The following LMOD2 variants were observed in gnomAD, a reference collection of about 807,000 sequenced individuals.
The protein encoded by LMOD2 is leiomodin-2.
A neutral mutation model predicts 41.7 loss-of-function variants in LMOD2; 27 were observed. The observed-to-expected ratio is 0.65, with a 90% CI of 0.48 to 0.89. LMOD2 has a LOEUF of 0.89. Among genes scored for constraint, LMOD2 ranks in the 40% least tolerant of loss-of-function variants. The pLI, the probability that LMOD2 is intolerant of heterozygous loss-of-function variation, is 0.00. For missense variants in LMOD2, 624 were observed against 667.9 expected (o/e 0.93, Z 0.72); for synonymous variants, 251 against 244.6 (o/e 1.03, Z -0.25).
intron 1 of LMOD2, among the ~76,000 whole-genome samples, chr7:123,660,014 A>G (rs1332897351): frequency 6.6e-6 from 1 of 152,186 alleles, no homozygotes; most frequent in East Asian, 1.9e-4. Context: ...TTTCCTCCAA[A>G]TACTGAAACA....
chr7:123,656,439 C>T (rs930460011), intron 1 of LMOD2, among the ~76,000 whole-genome samples: 2 of 152,242 alleles, frequency 1.3e-5, no homozygotes, highest in Middle Eastern at 3.4e-3. Context: ...ATGTAAAATT[C>T]TTAATTGGGG....
chr7:123,657,991 TAAAAAAAAAA>T (rs10693592), intron 1 of LMOD2, among the ~76,000 whole-genome samples: 2 of 90,584 alleles, frequency 2.2e-5, no homozygotes, highest in Admixed American at 1.4e-4. Flanking sequence ...CTTGTCTCAT[TAAAAAAAAAA>T]AAAAAAAAAA....
chr7:123,657,527 G>A (rs1261189974), intron 1 of LMOD2, among the ~76,000 whole-genome samples: 1 of 152,122 alleles, frequency 6.6e-6, no homozygotes, highest in Non-Finnish European at 1.5e-5. Context: ...GAAGGGGTGT[G>A]TTAGAAGGAA....
rs1409917933 is a variant in LMOD2, at chr7:123,662,142, T to A, written c.556T>A (p.Ser186Thr). The A allele has an allele frequency of 1.9e-6, 3 of 1,612,752 alleles. No homozygotes were observed. The highest frequency in any genetic ancestry group is 2.7e-5 in the African/African-American group (2 of 74,692). Residue 186 changes from serine to threonine, a missense_variant, in exon 2 of 3, where the codon TCC becomes ACC. Ser to Thr is a moderately conservative substitution (Grantham distance 58, BLOSUM62 1). Coordinates refer to ENST00000458573, the MANE Select transcript of LMOD2 (RefSeq NM_207163.3). This position sits in a 1 kb window ranked among gnomAD's most constrained non-coding sequence, Gnocchi z 4.0. ...TGGCAGCAATGGGAGGAACACAGAG[T>A]CCCCAGCTGCCATTCACCCTTGTGG... ...TNGSNGRNTE[S>T]PAAIHPCGNP...
In LMOD2 at chr7:123,662,562, A is replaced by C; in HGVS notation, c.976A>C (p.Thr326Pro). ...GATTGTCAAGCTGCTGAAGGAGAAC[A>C]CGACGCTGCTGAGGCTGGGATACCA... ...MEIVKLLKEN[T>P]TLLRLGYHFE... The change falls in exon 2 of 3, where the codon ACG becomes CCG. Residue 326 changes from threonine to proline, a missense_variant. Physicochemically the swap from Thr to Pro is conservative, Grantham distance 38. Transcript: ENST00000458573. The surrounding 1 kb of genome is among the most constrained non-coding windows in gnomAD (Gnocchi z 4.0). The C allele has an allele frequency of 6.2e-7, 1 of 1,613,982 alleles. No homozygotes were observed.
chr7:123,659,124 T>C (rs1321847563), intron 1 of LMOD2, among the ~76,000 whole-genome samples: 2 of 152,244 alleles, frequency 1.3e-5, no homozygotes, highest in Non-Finnish European at 2.9e-5. Context: ...ACATACATAA[T>C]AGGGAGGTGA....
rs897582954 is a variant in LMOD2, at chr7:123,655,920, G to A, written c.-44G>A. 2 of 1,553,732 alleles carry A rather than the reference G, an allele frequency of 1.3e-6. No individual in the cohort carries two copies. Among genetic ancestry groups the A allele is most frequent in the Non-Finnish European group, 1.7e-6 (2 of 1,151,518 alleles). Reference sequence around the variant, plus strand: ...CTGCCTGCTTCTGGCCGCCTTGAATGCCTGGTCCTTCAAGCTCCTTCTGGG... The same window carrying A: ...CTGCCTGCTTCTGGCCGCCTTGAATACCTGGTCCTTCAAGCTCCTTCTGGG... On this transcript the variant is annotated 5_prime_UTR_variant, in exon 1 of 3. It removes an upstream start codon present in the reference 5' UTR. Coordinates refer to ENST00000458573, the MANE Select transcript of LMOD2 (RefSeq NM_207163.3).
At chr7:123,657,647 TATC>T (rs1370047006) in intron 1 of LMOD2, among the ~76,000 whole-genome samples, 1 of 151,944 alleles carries the variant, frequency 6.6e-6, no homozygotes. Context: ...ACAATGACAT[TATC>T]ATCACAATTA....
rs1330996369 is a variant in LMOD2, at chr7:123,663,141, A to T, written c.1555A>T (p.Arg519Ter). 6.4e-7 allele frequency: 1 copy of T among 1,569,890 alleles called. No homozygotes were observed. The highest frequency in any genetic ancestry group is 8.6e-7 in the Non-Finnish European group (1 of 1,157,262). Residue 519 changes from arginine to a stop codon, truncating the protein, a stop_gained, in exon 2 of 3, where the codon AGA becomes TGA. Transcript: ENST00000458573. LOFTEE classifies it high-confidence loss of function. ...CAGTTCCCGACCTTCTACCCCACAGAGATCAGCTCATGAGAATCTCATGGA... is the reference window on the plus strand; with the variant it reads ...CAGTTCCCGACCTTCTACCCCACAGTGATCAGCTCATGAGAATCTCATGGA... The part of the protein sequence containing the change: ...EDSSRPSTPQ[R>*]SAHENLMEAI...
intron 1 of LMOD2, among the ~76,000 whole-genome samples, chr7:123,660,095 G>A (rs1446673799): frequency 1.3e-5 from 2 of 152,100 alleles, no homozygotes; most frequent in Non-Finnish European, 2.9e-5. Context: ...AATTTGGAGT[G>A]GAATGGGGTG....
rs574893143 is a variant in LMOD2 at position 123,662,687 on chromosome 7, G to C, written c.1101G>C (p.Glu367Asp). ...QKRLQEQKQQEGYDGGPNLRT... is the reference protein window; with the variant it reads ...QKRLQEQKQQDGYDGGPNLRT... Reference sequence around the variant, plus strand: ...GTTTGCAGGAGCAAAAACAGCAGGAGGGATACGATGGAGGACCCAATCTTA... The same window carrying C: ...GTTTGCAGGAGCAAAAACAGCAGGACGGATACGATGGAGGACCCAATCTTA... The change falls in exon 2 of 3, where the codon GAG becomes GAC. Residue 367 changes from glutamate (E) to aspartate (D), a missense_variant. Physicochemically the swap from Glu to Asp is conservative, Grantham distance 45 (BLOSUM62 2). Transcript: ENST00000458573. This position sits in a 1 kb window ranked among gnomAD's most constrained non-coding sequence, Gnocchi z 4.0. 8 of 1,613,984 alleles carry C rather than the reference G, an allele frequency of 5.0e-6. No individual in the cohort carries two copies. In the South Asian group the frequency reaches 8.8e-5, roughly 18 times the overall value.
At chr7:123,657,864 G>A (rs933264549) in intron 1 of LMOD2, among the ~76,000 whole-genome samples, 6 of 149,342 alleles carry the variant, frequency 4.0e-5, no homozygotes, top group Admixed American at 1.3e-4. Flanking sequence ...ACATTAGCAG[G>A]TGGTAGTCCC....
intron 1 of LMOD2, among the ~76,000 whole-genome samples, chr7:123,658,440 C>T (rs1382743866): frequency 6.6e-6 from 1 of 152,142 alleles, no homozygotes; most frequent in Non-Finnish European, 1.5e-5. Flanking sequence ...TGAGAAGGAG[C>T]GGAGGGTCTT....
At chr7:123,661,239 G>T (rs1381653954) in intron 1 of LMOD2, among the ~76,000 whole-genome samples, 1 of 152,210 alleles carries the variant, frequency 6.6e-6, no homozygotes, top group Non-Finnish European at 1.5e-5. Context: ...GGGCTCTACC[G>T]TAGAAGCAGA....
In LMOD2 at chr7:123,656,065, G is replaced by A. The variant is rs763046571; in HGVS notation, c.102G>A (p.Glu34=). 58 of 1,612,054 alleles carry A rather than the reference G, an allele frequency of 3.6e-5. No homozygotes were observed. In the South Asian group the frequency reaches 5.7e-4, roughly 16 times the overall value. The change falls in exon 1 of 3, where the codon GAG becomes GAA. Residue 34 remains glutamate, a synonymous_variant. Transcript: ENST00000458573. ...SLSAEELKEL[E]RELEDIEPDR... Reference sequence around the variant, plus strand: ...CAGCCGAGGAGCTGAAGGAGCTAGAGAGAGAGTTGGAAGACATTGAACCTG... The same window carrying A: ...CAGCCGAGGAGCTGAAGGAGCTAGAAAGAGAGTTGGAAGACATTGAACCTG...
Position 123,663,207 on chromosome 7 carries a change from A to C in LMOD2, c.1617+4A>C, listed in dbSNP as rs1342251759. On this transcript the variant is annotated splice_donor_region_variant and intron_variant, in intron 2 of 2. Coordinates refer to ENST00000458573, the MANE Select transcript of LMOD2 (RefSeq NM_207163.3). Reference sequence around the variant, plus strand: ...CAGCATAAAACAGCTAAAGCGGGTAAGTAACCAGAGAACAGACATAGGGGC... The same window carrying C: ...CAGCATAAAACAGCTAAAGCGGGTACGTAACCAGAGAACAGACATAGGGGC... The C allele has an allele frequency of 6.4e-6, 10 of 1,560,298 alleles. No individual in the cohort carries two copies. The highest frequency in any genetic ancestry group is 7.8e-6 in the Non-Finnish European group (9 of 1,152,534).
At chr7:123,657,991 TA>T (rs10693592) in intron 1 of LMOD2, among the ~76,000 whole-genome samples, 10,864 of 90,464 alleles carry the variant, frequency 0.12, 524 homozygotes, top group Middle Eastern at 0.14. Flanking sequence ...CTTGTCTCAT[TA>T]AAAAAAAAAA....
rs374125953 is a variant in LMOD2 at position 123,662,099 on chromosome 7, G to A, written c.513G>A (p.Glu171=). 29 of 1,610,840 alleles carry A rather than the reference G, an allele frequency of 1.8e-5. No individual in the cohort carries two copies. Among genetic ancestry groups the A allele is most frequent in the Middle Eastern group, 3.3e-4 (2 of 6,078 alleles). ...SKPKIFKSQI[E]NINLTNGSNG... The stretch of plus-strand genomic sequence containing the variant: ...CAAAGATATTTAAAAGTCAAATAGA[G>A]AACATAAATTTGACCAATGGCAGCA... The change falls in exon 2 of 3, where the codon GAG becomes GAA. Residue 171 remains glutamate (E), a synonymous_variant. Transcript: ENST00000458573. The surrounding 1 kb of genome is among the most constrained non-coding windows in gnomAD (Gnocchi z 4.0).
Position 123,662,607 on chromosome 7 carries a change from A to C in LMOD2, c.1021A>C (p.Arg341=), listed in dbSNP as rs1325886951. 1 of 1,614,030 alleles carries C rather than the reference A, an allele frequency of 6.2e-7. No individual in the cohort carries two copies. Among genetic ancestry groups the C allele is most frequent in the East Asian group, 2.2e-5 (1 of 44,880 alleles). Reference sequence around the variant, plus strand: ...ATACCATTTTGAACTCCCAGGACCAAGAATGAGCATGACGAGCATTTTGAC... The same window carrying C: ...ATACCATTTTGAACTCCCAGGACCACGAATGAGCATGACGAGCATTTTGAC... The part of the protein sequence containing the change: ...LGYHFELPGP[R]MSMTSILTRN... The change falls in exon 2 of 3, where the codon AGA becomes CGA. Residue 341 remains arginine (R), a synonymous_variant. Transcript: ENST00000458573. The surrounding 1 kb of genome is among the most constrained non-coding windows in gnomAD (Gnocchi z 4.0).
Sources: gnomAD v4.1 joint callset for allele counts (sites outside exome capture counted in the v4.1 genomes callset) on GRCh38, gnomAD v4.1.1 for gene constraint, Gnocchi (gnomAD v3.1) non-coding constraint, MANE v1.5 for transcripts, NCBI Gene and HGNC (gene_info 2026-07-23, HGNC 2026-07-21) for gene names.